Variants in SERPINB10 observed in about 807,000 individuals in gnomAD.
The protein encoded by SERPINB10 is serpin B10.
A neutral mutation model predicts 39.1 loss-of-function variants in SERPINB10; 35 were observed. The observed-to-expected ratio is 0.90, with a 90% CI of 0.68 to 1.19. The LOEUF (loss-of-function observed/expected upper bound fraction) is 1.19. Among genes scored for constraint, SERPINB10 ranks in the 50% most tolerant of loss-of-function variants. The pLI is 0.00. For synonymous variants in SERPINB10, 190 were observed against 158.1 expected, an observed-to-expected ratio of 1.20 and a Z score of -1.52; for missense variants, 546 against 460.5, an observed-to-expected ratio of 1.19 and a Z score of -1.70.
chr18:63,919,717 A>T (rs912709848), intron 4 of SERPINB10, 71 bp from the exon 5 acceptor site: 65 of 1,050,412 alleles, frequency 6.2e-5, no homozygotes, highest in Non-Finnish European at 8.9e-5. Flanking sequence ...TTCTTTTGAT[A>T]ATCTAAATAG....
At chr18:63,916,627 C>T (rs1476635343) in intron 2 of SERPINB10, among the ~76,000 whole-genome samples, 1 of 152,064 alleles carries the variant, frequency 6.6e-6, no homozygotes, top group Non-Finnish European at 1.5e-5. Flanking sequence ...GGTTCATTAG[C>T]TCAAAAGTCT....
chr18:63,920,636 T>A (rs961183647), intron 5 of SERPINB10, among the ~76,000 whole-genome samples: 4 of 151,990 alleles, frequency 2.6e-5, no homozygotes, highest in African/African-American at 9.7e-5. Flanking sequence ...GTTTCACATG[T>A]TAATTCCACT....
chr18:63,929,255 A>G (rs2050202349), intron 5 of SERPINB10, among the ~76,000 whole-genome samples: 1 of 152,192 alleles, frequency 6.6e-6, no homozygotes, highest in Non-Finnish European at 1.5e-5. Flanking sequence ...GGTTCATATG[A>G]ATTAATTTTC....
intron 1 of SERPINB10, among the ~76,000 whole-genome samples, chr18:63,909,125 T>C (rs2050046338): frequency 6.6e-5 from 10 of 152,042 alleles, no homozygotes; most frequent in Admixed American, 6.6e-4. Context: ...TGATGAGACA[T>C]TTTGATGAAT....
At chr18:63,929,080 A>G (rs2050200879) in intron 5 of SERPINB10, among the ~76,000 whole-genome samples, 1 of 152,146 alleles carries the variant, frequency 6.6e-6, no homozygotes, top group Non-Finnish European at 1.5e-5. Context: ...TATCTCTTGG[A>G]TACCAAATAC....
chr18:63,933,644 C>A (rs2050240357), intron 7 of SERPINB10, among the ~76,000 whole-genome samples: 1 of 152,190 alleles, frequency 6.6e-6, no homozygotes, highest in African/African-American at 2.4e-5. Context: ...ACGCAGACAT[C>A]AAGCTGTCTT....
At chr18:63,934,767 C>T (rs2050249040) in intron 7 of SERPINB10, 71 bp from the exon 8 acceptor site, 2 of 1,459,986 alleles carry the variant, frequency 1.4e-6, no homozygotes, top group Non-Finnish European at 1.8e-6. Flanking sequence ...TCCTAGGGTG[C>T]TCTCTCTACT....
chr18:63,928,192 A>G (rs2050193893), intron 5 of SERPINB10, among the ~76,000 whole-genome samples: 3 of 151,952 alleles, frequency 2.0e-5, no homozygotes, highest in African/African-American at 7.2e-5. Flanking sequence ...CCATGTCTGT[A>G]TTTTGGCAGT....
chr18:63,911,179 A>G (rs62097463), intron 1 of SERPINB10, among the ~76,000 whole-genome samples: 2 of 152,044 alleles, frequency 1.3e-5, no homozygotes, highest in Non-Finnish European at 2.9e-5. Flanking sequence ...CATAATGGAT[A>G]TTAAACTTTT....
intron 5 of SERPINB10, among the ~76,000 whole-genome samples, chr18:63,927,374 C>A (rs559285952): frequency 6.6e-6 from 1 of 152,136 alleles, no homozygotes; most frequent in African/African-American, 2.4e-5. Context: ...TCCATTACAG[C>A]TGCTATAACA....
chr18:63,909,810 A>T (rs2050050801), intron 1 of SERPINB10, among the ~76,000 whole-genome samples: 1 of 152,118 alleles, frequency 6.6e-6, no homozygotes, highest in Non-Finnish European at 1.5e-5. Flanking sequence ...TATTTGAATG[A>T]GTAAGAGCCT....
At chr18:63,929,726 A>C (rs1364388192) in intron 5 of SERPINB10, among the ~76,000 whole-genome samples, 1 of 87,344 alleles carries the variant, frequency 1.1e-5, no homozygotes, top group Admixed American at 1.4e-4. Flanking sequence ...AAAAAAAAAA[A>C]AAAAAAAGAA....
chr18:63,926,675 T>C (rs897044276), intron 5 of SERPINB10, among the ~76,000 whole-genome samples: 3 of 152,002 alleles, frequency 2.0e-5, no homozygotes, highest in African/African-American at 7.2e-5. Flanking sequence ...GAGAAACTGT[T>C]CCAGATTAAA....
chr18:63,909,843 T>G (rs1275355756), intron 1 of SERPINB10, among the ~76,000 whole-genome samples: 1 of 152,120 alleles, frequency 6.6e-6, no homozygotes, highest in Non-Finnish European at 1.5e-5. Flanking sequence ...AGAGTTATTT[T>G]GAAGATGGCA....
chr18:63,930,006 T>C, intron 5 of SERPINB10, 39 bp from the exon 6 acceptor site: 2 of 1,604,698 alleles, frequency 1.2e-6, no homozygotes, highest in Non-Finnish European at 1.7e-6. Flanking sequence ...ATATACATAT[T>C]TCTACAAGTC....
At chr18:63,916,887 A>G (rs766977082) in intron 2 of SERPINB10, among the ~76,000 whole-genome samples, 54 of 152,038 alleles carry the variant, frequency 3.6e-4, no homozygotes, top group Admixed American at 1.7e-3. Context: ...CTTGGCAGAT[A>G]AAAGTATTGC....
At chr18:63,922,821 T>C (rs1347431919) in intron 5 of SERPINB10, among the ~76,000 whole-genome samples, 2 of 151,948 alleles carry the variant, frequency 1.3e-5, no homozygotes, top group Admixed American at 1.3e-4. Context: ...TGAACACAGG[T>C]GATTTGAAAT....
At chr18:63,921,097 G>C (rs1166544071) in intron 5 of SERPINB10, among the ~76,000 whole-genome samples, 1 of 151,838 alleles carries the variant, frequency 6.6e-6, no homozygotes, top group Non-Finnish European at 1.5e-5. Flanking sequence ...CATTTCAATT[G>C]ATATTATATT....
intron 6 of SERPINB10, among the ~76,000 whole-genome samples, chr18:63,932,099 C>T (rs113023322): frequency 0.013 from 2,015 of 152,208 alleles, 46 homozygotes; most frequent in African/African-American, 0.046. Context: ...TGTTTTATTG[C>T]TGAATAATAT....
Sources: gnomAD v4.1 joint callset for allele counts (sites outside exome capture counted in the v4.1 genomes callset) on GRCh38, gnomAD v4.1.1 for gene constraint, MANE v1.5 for transcripts, NCBI Gene and HGNC (gene_info 2026-07-23, HGNC 2026-07-21) for gene names.